The following CIAO2A variants were observed in gnomAD, a reference collection of about 807,000 sequenced individuals.
CIAO2A encodes the protein cytosolic iron-sulfur assembly component 2A.
In CIAO2A, 17 loss-of-function variants were observed where a neutral mutation model predicts 22.4. The ratio of observed to expected loss-of-function variants is 0.76; its 90% confidence interval spans 0.52 to 1.14. CIAO2A has a LOEUF of 1.14. CIAO2A is among the 50% of genes most tolerant of loss of function. CIAO2A has a pLI of 0.00. For missense variants in CIAO2A, 192 were observed against 191.4 expected (o/e 1.00, Z -0.02); for synonymous variants, 74 against 72.3 (o/e 1.02, Z -0.12).
chr15:64,092,063 CAAAAAAAAA>C (rs35475525), intron 1 of CIAO2A, among the ~76,000 whole-genome samples: 17 of 63,718 alleles, frequency 2.7e-4, no homozygotes, highest in Non-Finnish European at 4.4e-4. Context: ...GACCCTGTCT[CAAAAAAAAA>C]AAAAAAAAAA....
chr15:64,073,147 T>A lies in CIAO2A; in HGVS notation c.386-119A>T, dbSNP rs551054771. The A allele has an allele frequency of 1.2e-4, 73 of 613,458 alleles. No individual in the cohort carries two copies. In the South Asian group the frequency reaches 1.7e-3, roughly 14 times the overall value. 38.0% of individuals were successfully genotyped at this position (613,458 alleles called of 1,614,324 possible). On this transcript the variant is annotated intron_variant, in intron 4 of 4. Coordinates refer to ENST00000300030, the MANE Select transcript of CIAO2A (RefSeq NM_032231.7). ...ACTCCTTGAGAACTTAAACCTGTTT[T>A]TGGCTAATTACTCATAATGTAATTT... is the stretch of plus-strand genomic sequence containing the variant.
chr15:64,073,461 T>A (rs1024503407), intron 4 of CIAO2A, among the ~76,000 whole-genome samples: 1 of 152,232 alleles, frequency 6.6e-6, no homozygotes, highest in African/African-American at 2.4e-5. Flanking sequence ...TTCTCAAAAA[T>A]GGGATTATTT....
chr15:64,081,332 T>G (rs886835619), intron 2 of CIAO2A, among the ~76,000 whole-genome samples, 181 bp from the exon 3 acceptor site: 1 of 152,156 alleles, frequency 6.6e-6, no homozygotes, highest in Non-Finnish European at 1.5e-5. Context: ...TATATAATCT[T>G]ACATATTCCT....
rs199904809 is a variant in CIAO2A at position 64,093,791 on chromosome 15, C to T, written c.-23G>A. The T allele has an allele frequency of 1.7e-5, 27 of 1,605,890 alleles. No homozygotes were observed. Among genetic ancestry groups the T allele is most frequent in the East Asian group, 2.2e-5 (1 of 44,698 alleles). On this transcript the variant is annotated 5_prime_UTR_variant, in exon 1 of 5. Transcript: ENST00000300030. ...CATCTTCACGCTCAGCCATCCCTGG[C>T]GACTGTCCCAATCGCGCCACCGTCT...
At chr15:64,074,045 G>C (rs976185722) in intron 4 of CIAO2A, among the ~76,000 whole-genome samples, 2 of 152,050 alleles carry the variant, frequency 1.3e-5, no homozygotes, top group Non-Finnish European at 2.9e-5. Context: ...GCATATATTA[G>C]TTCTTCTTGC....
chr15:64,081,010 C>T, intron 3 of CIAO2A, 92 bp downstream of exon 3: 1 of 1,244,018 alleles, frequency 8.0e-7, no homozygotes, highest in Non-Finnish European at 1.1e-6. Context: ...TGAATTGGTA[C>T]ACTTTAAATA....
chr15:64,088,197 T>C (rs1486167562), intron 2 of CIAO2A, among the ~76,000 whole-genome samples: 1 of 152,238 alleles, frequency 6.6e-6, no homozygotes, highest in Non-Finnish European at 1.5e-5. Flanking sequence ...CCAGGACTTC[T>C]ACCCATACTA....
At chr15:64,080,296 G>A (rs181521781) in intron 3 of CIAO2A, among the ~76,000 whole-genome samples, 4 of 152,232 alleles carry the variant, frequency 2.6e-5, no homozygotes, top group Admixed American at 6.5e-5. Context: ...GCTGAAGCAC[G>A]AGAATCGCTT....
chr15:64,075,286 C>T, intron 4 of CIAO2A: 1 of 462,700 alleles, frequency 2.2e-6, no homozygotes, highest in Non-Finnish European at 3.8e-6. Context: ...AGTCAACATC[C>T]GTGGGCTCTA....
chr15:64,075,439 A>G, intron 4 of CIAO2A, 53 bp downstream of exon 4: 1 of 1,187,768 alleles, frequency 8.4e-7, no homozygotes, highest in Non-Finnish European at 1.2e-6. Context: ...CCAGTATCCA[A>G]GATAAAATAC....
At chr15:64,093,084 G>C (rs2080855717) in intron 1 of CIAO2A, among the ~76,000 whole-genome samples, 1 of 152,172 alleles carries the variant, frequency 6.6e-6, no homozygotes, top group African/African-American at 2.4e-5. Flanking sequence ...GTGTGTGTGT[G>C]CGTTATGTGT....
chr15:64,072,746 T>C lies in CIAO2A; in HGVS notation c.*185A>G. 1 of 440,152 alleles carries C rather than the reference T, an allele frequency of 2.3e-6. No individual in the cohort carries two copies. The allele number at this position is 440,152 out of a possible 1,614,324, so 27.3% of individuals were successfully genotyped here. A position where few individuals can be genotyped will look rare whatever the true frequency, so the allele number is the denominator to read the frequency against. On this transcript the variant is annotated 3_prime_UTR_variant, in exon 5 of 5. Transcript: ENST00000300030. ...CTGATCATTTAAGTGTTACAAATCC[T>C]GAGAATGTTATACATTGAACAAATT...
intron 3 of CIAO2A, among the ~76,000 whole-genome samples, chr15:64,078,570 A>G (rs1365510879): frequency 6.7e-6 from 1 of 148,390 alleles, no homozygotes; most frequent in African/African-American, 2.5e-5. Flanking sequence ...CAGGAGTCAG[A>G]GGCTGCACTG....
In CIAO2A at chr15:64,072,853, C is replaced by T; in HGVS notation, c.*78G>A. 2 of 926,834 alleles carry T rather than the reference C, an allele frequency of 2.2e-6. No individual in the cohort carries two copies. The highest frequency in any genetic ancestry group is 5.0e-5 in the East Asian group (2 of 40,274). 57.4% of individuals were successfully genotyped at this position (926,834 alleles called of 1,614,324 possible). On this transcript the variant is annotated 3_prime_UTR_variant, in exon 5 of 5. Transcript: ENST00000300030. ...AGGTACAAATCACCTATGTATTAAA[C>T]ATGAGTCTCTGACATTATACAAAGA...
intron 4 of CIAO2A, chr15:64,075,287 G>A (rs1251956883): frequency 2.0e-5 from 9 of 460,136 alleles, no homozygotes; most frequent in Admixed American, 8.5e-5. Flanking sequence ...GTCAACATCC[G>A]TGGGCTCTAG....
intron 2 of CIAO2A, among the ~76,000 whole-genome samples, chr15:64,085,745 G>A (rs1439080875): frequency 6.6e-6 from 1 of 151,714 alleles, no homozygotes; most frequent in Non-Finnish European, 1.5e-5. Flanking sequence ...GTCTCGCACT[G>A]TAGCCTGGGC....
At chr15:64,074,238 C>T (rs2080698848) in intron 4 of CIAO2A, 1 of 152,186 alleles carries the variant, frequency 6.6e-6, no homozygotes. Flanking sequence ...GTTTTCTGGG[C>T]TGCCGCTGAA....
chr15:64,077,149 A>C (rs956129865), intron 3 of CIAO2A, among the ~76,000 whole-genome samples: 1 of 152,090 alleles, frequency 6.6e-6, no homozygotes, highest in Admixed American at 6.6e-5. Context: ...CAACTCTACT[A>C]AAAATACAAA....
intron 3 of CIAO2A, among the ~76,000 whole-genome samples, chr15:64,079,210 T>C (rs1383458627): frequency 2.0e-5 from 3 of 151,980 alleles, no homozygotes; most frequent in African/African-American, 7.2e-5. Flanking sequence ...ACTGATATCA[T>C]GGAAAATAAA....
Sources: gnomAD v4.1 joint callset for allele counts (sites outside exome capture counted in the v4.1 genomes callset) on GRCh38, gnomAD v4.1.1 for gene constraint, MANE v1.5 for transcripts, NCBI Gene and HGNC (gene_info 2026-07-23, HGNC 2026-07-21) for gene names.